Variants in BTAF1 observed in about 807,000 individuals in gnomAD.
BTAF1 encodes B-TFIID TATA-box binding protein associated factor 1, also known as TATA-binding protein-associated factor 172.
BTAF1 carries 38 observed loss-of-function variants against 227.1 expected under a neutral mutation model. That is an observed-to-expected ratio of 0.17 (90% CI 0.13 to 0.22). BTAF1 has a LOEUF of 0.22. Among genes scored for constraint, BTAF1 ranks in the 10% least tolerant of loss-of-function variants. BTAF1 has a pLI of 1.00. For synonymous variants in BTAF1, 742 were observed against 751.9 expected, an observed-to-expected ratio of 0.99 and a Z score of 0.21; for missense variants, 1,598 against 2,204.0, an observed-to-expected ratio of 0.73 and a Z score of 5.51.
chr10:91,959,752 A>ACCCAAGC (rs777287933), intron 9 of BTAF1, 33 bp from the exon 10 acceptor site: 1 of 372,670 alleles, frequency 2.7e-6, no homozygotes, highest in Non-Finnish European at 4.2e-6. Context: ...ATATATATAT[A>ACCCAAGC]TATATATATA....
chr10:91,934,544 C>T (rs957317901), intron 1 of BTAF1, among the ~76,000 whole-genome samples: 5 of 152,082 alleles, frequency 3.3e-5, no homozygotes, highest in African/African-American at 1.2e-4. Flanking sequence ...AGTTTCCTCC[C>T]ATTTTACTTC....
chr10:91,993,767 G>A lies in BTAF1; in HGVS notation c.3119G>A (p.Gly1040Asp), dbSNP rs771206397. The A allele has an allele frequency of 3.7e-6, 6 of 1,609,038 alleles. No individual in the cohort carries two copies. The South Asian group carries it at 4.4e-5, about 12-fold the overall frequency. Reference protein sequence around the residue: ...ALTTIVKHFGGEMAVKLPHLW... With the variant: ...ALTTIVKHFGDEMAVKLPHLW... Reference sequence around the variant, plus strand: ...ACAACTATAGTAAAGCATTTTGGTGGTGAAATGGCAGTGAAGTTGCCACAT... The same window carrying A: ...ACAACTATAGTAAAGCATTTTGGTGATGAAATGGCAGTGAAGTTGCCACAT... Residue 1040 changes from glycine to aspartate, a missense_variant, in exon 22 of 38, where the codon GGT (glycine) becomes GAT (aspartate). By Grantham distance (94) the Gly-to-Asp change is moderately conservative (BLOSUM62 -1). Coordinates refer to ENST00000265990, the MANE Select transcript of BTAF1 (RefSeq NM_003972.3).
At chr10:92,018,959 A>T (rs1850930176) in intron 34 of BTAF1, 24 bp downstream of exon 34, 1 of 1,493,312 alleles carries the variant, frequency 6.7e-7, no homozygotes, top group East Asian at 2.4e-5. Flanking sequence ...TTAAGTGTTA[A>T]ATGTGTGTTG....
intron 19 of BTAF1, among the ~76,000 whole-genome samples, chr10:91,987,496 A>G: frequency 6.6e-6 from 1 of 151,908 alleles, no homozygotes; most frequent in East Asian, 1.9e-4. Context: ...AAAAAAAAGA[A>G]AGTCTCATGT....
chr10:91,942,293 A>AG (rs1166127821), intron 3 of BTAF1, 129 bp from the exon 4 acceptor site: 6 of 637,836 alleles, frequency 9.4e-6, no homozygotes, highest in Non-Finnish European at 1.4e-5. Context: ...CTTAAAAAAA[A>AG]AAGTTTGTGT....
chr10:91,928,399 A>G (rs1369398424), intron 1 of BTAF1, among the ~76,000 whole-genome samples: 1 of 152,208 alleles, frequency 6.6e-6, no homozygotes, highest in Non-Finnish European at 1.5e-5. Flanking sequence ...ATATCACTGG[A>G]AAATGATATG....
chr10:92,002,030 G>A (rs1564709261), intron 25 of BTAF1, among the ~76,000 whole-genome samples: 1 of 145,878 alleles, frequency 6.9e-6, no homozygotes, highest in Non-Finnish European at 1.5e-5. Context: ...TATATTCAAG[G>A]TAGAGGAGGA....
At chr10:92,014,697 T>G (rs1850584447) in intron 32 of BTAF1, among the ~76,000 whole-genome samples, 1 of 152,212 alleles carries the variant, frequency 6.6e-6, no homozygotes, top group South Asian at 2.1e-4. Context: ...AAAGTGACAT[T>G]CAGAAAAGTT....
intron 5 of BTAF1, among the ~76,000 whole-genome samples, chr10:91,952,676 G>T (rs1845850444): frequency 6.6e-6 from 1 of 152,048 alleles, no homozygotes; most frequent in Non-Finnish European, 1.5e-5. Flanking sequence ...GGGGGTGTGA[G>T]TGATGATGAG....
chr10:91,929,316 C>T (rs1049805692), intron 1 of BTAF1, among the ~76,000 whole-genome samples: 6 of 152,132 alleles, frequency 3.9e-5, no homozygotes, highest in African/African-American at 1.2e-4. Context: ...TTTCCCTCAG[C>T]GATCTGTGCT....
chr10:91,990,247 C>G (rs1848646381), intron 20 of BTAF1, among the ~76,000 whole-genome samples: 1 of 152,118 alleles, frequency 6.6e-6, no homozygotes, highest in South Asian at 2.1e-4. Flanking sequence ...AGCTTTGGTG[C>G]AGCATAGATC....
chr10:91,955,455 A>G (rs188294716), intron 6 of BTAF1, among the ~76,000 whole-genome samples: 2 of 152,278 alleles, frequency 1.3e-5, no homozygotes, highest in Admixed American at 6.5e-5. Context: ...GTGTGTATAT[A>G]TATAAAATAC....
At chr10:92,016,539 C>T (rs1589979386) in intron 33 of BTAF1, 74 bp downstream of exon 33, 1 of 1,312,272 alleles carries the variant, frequency 7.6e-7, no homozygotes, top group African/African-American at 1.5e-5. Context: ...AGTGCAGTGG[C>T]ATGATCTCGG....
intron 19 of BTAF1, among the ~76,000 whole-genome samples, chr10:91,985,451 C>T (rs759578388): frequency 4.6e-5 from 7 of 152,096 alleles, no homozygotes; most frequent in Admixed American, 6.5e-5. Flanking sequence ...TATAAACGTT[C>T]TTCTGCAAGT....
chr10:92,018,632 G>C (rs1229768499), intron 33 of BTAF1, 151 bp from the exon 34 acceptor site: 2 of 609,890 alleles, frequency 3.3e-6, no homozygotes, highest in African/African-American at 3.8e-5. Flanking sequence ...ATTTGAACTG[G>C]TTCTTGAAGA....
At chr10:91,969,372 C>T (rs1847136485) in intron 14 of BTAF1, among the ~76,000 whole-genome samples, 1 of 151,816 alleles carries the variant, frequency 6.6e-6, no homozygotes, top group Non-Finnish European at 1.5e-5. Flanking sequence ...AAATGACTGC[C>T]ACAGTAGATC....
At chr10:91,985,763 C>G (rs1208755885) in intron 19 of BTAF1, among the ~76,000 whole-genome samples, 1 of 151,954 alleles carries the variant, frequency 6.6e-6, no homozygotes, top group African/African-American at 2.4e-5. Flanking sequence ...TGTATATTTT[C>G]CTTTCTGAAA....
chr10:91,980,841 T>A (rs980406851), intron 15 of BTAF1, among the ~76,000 whole-genome samples: 8 of 152,202 alleles, frequency 5.3e-5, no homozygotes, highest in Non-Finnish European at 8.8e-5. Context: ...ATTGCTTTTC[T>A]CTAGCCCTCA....
intron 25 of BTAF1, among the ~76,000 whole-genome samples, chr10:92,007,722 T>C (rs916898905): frequency 6.6e-6 from 1 of 152,250 alleles, no homozygotes; most frequent in African/African-American, 2.4e-5. Flanking sequence ...TTTCTTTTAT[T>C]ATGAAATAGT....
Sources: gnomAD v4.1 joint callset for allele counts (sites outside exome capture counted in the v4.1 genomes callset) on GRCh38, gnomAD v4.1.1 for gene constraint, MANE v1.5 for transcripts, NCBI Gene and HGNC (gene_info 2026-07-23, HGNC 2026-07-21) for gene names.